ZC3H14: variants seen among roughly 807,000 people sequenced by gnomAD.
ZC3H14 encodes the protein zinc finger CCCH domain-containing protein 14.
ZC3H14 carries 31 observed loss-of-function variants against 92.4 expected under a neutral mutation model. That is an observed-to-expected ratio of 0.34 (90% CI 0.25 to 0.45). ZC3H14 has a LOEUF of 0.45. Among genes scored for constraint, ZC3H14 ranks in the 20% least tolerant of loss-of-function variants. The pLI is 1.00. For synonymous variants in ZC3H14, 321 were observed against 300.9 expected, an observed-to-expected ratio of 1.07 and a Z score of -0.69; for missense variants, 781 against 897.3, an observed-to-expected ratio of 0.87 and a Z score of 1.66.
rs2086565005 is a variant in ZC3H14, at chr14:88,610,852, C to A, written c.2116C>A (p.Gln706Lys). ...TATTCAGCATTGTAGGTTTAACACTCAATGTACAAGACCGGACTGCACATT... is the reference window on the plus strand; with the variant it reads ...TATTCAGCATTGTAGGTTTAACACTAAATGTACAAGACCGGACTGCACATT... ...YHPKHCRFNT[Q>K]CTRPDCTFYH... Residue 706 changes from glutamine to lysine, a missense_variant, in exon 16 of 17, where the codon CAA (glutamine) becomes AAA (lysine). Gln to Lys is a moderately conservative substitution (Grantham distance 53). This residue lies in a region of ZC3H14 where 221 missense variants were observed against 304.7 expected (regional missense o/e 0.73). Coordinates refer to ENST00000251038, the MANE Select transcript of ZC3H14 (RefSeq NM_024824.5). The A allele has an allele frequency of 1.9e-6, 3 of 1,614,074 alleles. No homozygotes were observed. In the African/African-American group the frequency reaches 4.0e-5, roughly 22 times the overall value.
intron 7 of ZC3H14, among the ~76,000 whole-genome samples, chr14:88,575,315 A>G (rs934447046): frequency 2.6e-5 from 4 of 152,180 alleles, no homozygotes; most frequent in African/African-American, 7.2e-5. Flanking sequence ...ATTGCTTAAC[A>G]TTGGAGAGGA....
chr14:88,609,954 C>CA (rs2086280524), intron 15 of ZC3H14, 151 bp downstream of exon 15: 1 of 845,814 alleles, frequency 1.2e-6, no homozygotes. Context: ...ACTGAACCTC[C>CA]ATCTGGCCCC....
Position 88,573,008 on chromosome 14 carries a change from G to A in ZC3H14, c.861+1G>A, listed in dbSNP as rs752416561. On this transcript the variant is annotated splice_donor_variant, in intron 6 of 16. Transcript: ENST00000251038. LOFTEE classifies it high-confidence loss of function. ...CAACTCGGAGAAAATGAGTATGGAG[G>A]TTTGTATGTACTTTTAAATTCTGGC... 1 of 1,613,814 alleles carries A rather than the reference G, an allele frequency of 6.2e-7. No homozygotes were observed. Among genetic ancestry groups the A allele is most frequent in the South Asian group, 1.1e-5 (1 of 91,048 alleles).
chr14:88,568,005 A>G, intron 2 of ZC3H14, 34 bp from the exon 3 acceptor site: 1 of 1,582,632 alleles, frequency 6.3e-7, no homozygotes, highest in Non-Finnish European at 8.7e-7. Context: ...GTTTTGAGGA[A>G]ACAAAGTTTT....
At position 88,609,260 on chromosome 14, in the gene ZC3H14, T is replaced by C; in HGVS notation, c.1869-7T>C. 1 of 1,613,958 alleles carries C rather than the reference T, an allele frequency of 6.2e-7. No individual in the cohort carries two copies. Among genetic ancestry groups the C allele is most frequent in the Non-Finnish European group, 8.5e-7 (1 of 1,179,952 alleles). On this transcript the variant is annotated splice_polypyrimidine_tract_variant and splice_region_variant and intron_variant, in intron 13 of 16. Transcript: ENST00000251038. ...AATATGAAATATGCTTTTTTTTTGT[T>C]TTGTAGAGCCTTCCCCAATTGTAAA...
rs1172249703 is a variant in ZC3H14, at chr14:88,617,432, C to T, written c.*5681C>T. 1.3e-5 allele frequency: 2 copies of T among 152,352 alleles called. No homozygotes were observed. The highest frequency in any genetic ancestry group is 3.2e-3 in the Middle Eastern group (1 of 316). The allele number at this position is 152,352 out of a possible 1,614,324, so 9.4% of individuals were successfully genotyped here. On this transcript the variant is annotated 3_prime_UTR_variant, in exon 17 of 17. Coordinates refer to ENST00000251038, the MANE Select transcript of ZC3H14 (RefSeq NM_024824.5). Reference sequence around the variant, plus strand: ...AAAGTGCTGGGATTACAGGCTGAGCCACCGCGCCTGACTGAAAACTGATAG... The same window carrying T: ...AAAGTGCTGGGATTACAGGCTGAGCTACCGCGCCTGACTGAAAACTGATAG...
chr14:88,615,131 G>A lies in ZC3H14; in HGVS notation c.*3380G>A, dbSNP rs2087388980. On this transcript the variant is annotated 3_prime_UTR_variant, in exon 17 of 17. Transcript: ENST00000251038. ...ATGTGCGATTACAGAGATGGCATCTGAACATAAACTGATGGCTCGAAAATG... is the reference window on the plus strand; with the variant it reads ...ATGTGCGATTACAGAGATGGCATCTAAACATAAACTGATGGCTCGAAAATG... 2.6e-5 allele frequency: 4 copies of A among 152,158 alleles called. No individual in the cohort carries two copies. Among genetic ancestry groups the A allele is most frequent in the South Asian group, 4.2e-4 (2 of 4,816 alleles). 9.4% of individuals were successfully genotyped at this position (152,158 alleles called of 1,614,324 possible). A position where few individuals can be genotyped will look rare whatever the true frequency, so the allele number is the denominator to read the frequency against.
chr14:88,597,577 C>G (rs774076730), intron 10 of ZC3H14, among the ~76,000 whole-genome samples: 1 of 152,198 alleles, frequency 6.6e-6, no homozygotes, highest in African/African-American at 2.4e-5. Context: ...GTGTGCTTTT[C>G]CTCCCTAAGG....
At chr14:88,582,397 G>A (rs551630336) in intron 9 of ZC3H14, among the ~76,000 whole-genome samples, 1 of 150,498 alleles carries the variant, frequency 6.6e-6, no homozygotes, top group South Asian at 2.1e-4. Flanking sequence ...TTGGGACACT[G>A]TGGGTTGAAT....
At chr14:88,601,851 T>C (rs570984296) in intron 10 of ZC3H14, 73 bp from the exon 11 acceptor site, 2 of 1,534,834 alleles carry the variant, frequency 1.3e-6, no homozygotes, top group South Asian at 1.1e-5. Context: ...TTGACATTCT[T>C]CTCACATATA....
At position 88,619,681 on chromosome 14, in the gene ZC3H14, AAG is replaced by A. The variant is rs1190528328; in HGVS notation, c.*7932_*7933del. On this transcript the variant is annotated 3_prime_UTR_variant, in exon 17 of 17. Coordinates refer to ENST00000251038, the MANE Select transcript of ZC3H14 (RefSeq NM_024824.5). ...AATGACACAACTTGAATCTTGGAAG[AAG>A]AATTTTTTTTTTTTGAGACGAAGTC... The A allele has an allele frequency of 6.9e-6, 1 of 143,906 alleles. No homozygotes were observed. 8.9% of individuals were successfully genotyped at this position (143,906 alleles called of 1,614,324 possible). A position where few individuals can be genotyped will look rare whatever the true frequency, so the allele number is the denominator to read the frequency against.
At position 88,626,734 on chromosome 14, in the gene ZC3H14, A is replaced by G; in HGVS notation, c.*14983A>G. ...TGCTTGACCAGGGCATGTAATGATTAGCAGATCACAGTATCATCTCAACAA... is the reference window on the plus strand; with the variant it reads ...TGCTTGACCAGGGCATGTAATGATTGGCAGATCACAGTATCATCTCAACAA... On this transcript the variant is annotated 3_prime_UTR_variant, in exon 17 of 17. Coordinates refer to ENST00000251038, the MANE Select transcript of ZC3H14 (RefSeq NM_024824.5). The G allele has an allele frequency of 9.0e-7, 1 of 1,113,666 alleles. No individual in the cohort carries two copies. Among genetic ancestry groups the G allele is most frequent in the Non-Finnish European group, 1.3e-6 (1 of 770,758 alleles). 69.0% of individuals were successfully genotyped at this position (1,113,666 alleles called of 1,614,324 possible).
Position 88,572,587 on chromosome 14 carries a change from C to T in ZC3H14, c.441C>T (p.Tyr147=), listed in dbSNP as rs185224589. ...ESKTTNVRQT[Y]DDGAATRLMS... ...TTGTTCTTTTAAATAGACAGACTTA[C>T]GATGATGGAGCTGCAACCCGACTAA... Residue 147 remains tyrosine, a synonymous_variant, in exon 6 of 17, where the codon TAC becomes TAT. Transcript: ENST00000251038. The T allele has an allele frequency of 4.2e-5, 67 of 1,614,100 alleles. No homozygotes were observed. Among genetic ancestry groups the T allele is most frequent in the Admixed American group, 2.8e-4 (17 of 60,004 alleles).
Position 88,611,865 on chromosome 14 carries a change from A to G in ZC3H14, c.*114A>G. On this transcript the variant is annotated 3_prime_UTR_variant, in exon 17 of 17. Coordinates refer to ENST00000251038, the MANE Select transcript of ZC3H14 (RefSeq NM_024824.5). ...AAACTTGGAATATATTGCTTTCATA[A>G]TATGAAGTTTTATTGCCTATCTATC... The G allele has an allele frequency of 1.4e-6, 2 of 1,454,516 alleles. No homozygotes were observed. Among genetic ancestry groups the G allele is most frequent in the South Asian group, 2.4e-5 (2 of 82,684 alleles). The allele number at this position is 1,454,516 out of a possible 1,614,324, so 90.1% of individuals were successfully genotyped here.
chr14:88,626,502 T>TAGTC lies in ZC3H14; in HGVS notation c.*14752_*14755dup. 4.1e-6 allele frequency: 1 copy of TAGTC among 245,460 alleles called. No homozygotes were observed. The highest frequency in any genetic ancestry group is 9.1e-5 in the East Asian group (1 of 11,002). 15.2% of individuals were successfully genotyped at this position (245,460 alleles called of 1,614,324 possible). Reference sequence around the variant, plus strand: ...GCCTAGCATGGTGGTTCCTGCCCTGTAGTCCCAGCTACTAAGGAGGCTGAG... The same window carrying TAGTC: ...GCCTAGCATGGTGGTTCCTGCCCTGTAGTCAGTCCCAGCTACTAAGGAGGCTGAG... On this transcript the variant is annotated 3_prime_UTR_variant, in exon 17 of 17. Coordinates refer to ENST00000251038, the MANE Select transcript of ZC3H14 (RefSeq NM_024824.5).
chr14:88,583,966 T>A (rs1293123277), intron 9 of ZC3H14, among the ~76,000 whole-genome samples: 1 of 152,204 alleles, frequency 6.6e-6, no homozygotes, highest in Non-Finnish European at 1.5e-5. Flanking sequence ...AGTTTTTGCT[T>A]TATTTTTAGG....
At chr14:88,574,667 T>C (rs1323190529) in intron 6 of ZC3H14, 26 bp from the exon 7 acceptor site, 1 of 1,613,824 alleles carries the variant, frequency 6.2e-7, no homozygotes, top group Non-Finnish European at 8.5e-7. Flanking sequence ...TGAGATTAGG[T>C]AAGCATAAAT....
rs2090012193 is a variant in ZC3H14 at position 88,626,921 on chromosome 14, T to C, written c.*15170T>C. On this transcript the variant is annotated 3_prime_UTR_variant, in exon 17 of 17. Coordinates refer to ENST00000251038, the MANE Select transcript of ZC3H14 (RefSeq NM_024824.5). ...AGCCCTTTTTTGCTAAGAAGAGCTCTTCCTGCCAGGGTCCAGAACTTCACA... is the reference window on the plus strand; with the variant it reads ...AGCCCTTTTTTGCTAAGAAGAGCTCCTCCTGCCAGGGTCCAGAACTTCACA... The C allele has an allele frequency of 6.2e-7, 1 of 1,613,912 alleles. No individual in the cohort carries two copies. The highest frequency in any genetic ancestry group is 1.3e-5 in the African/African-American group (1 of 74,942).
At position 88,621,384 on chromosome 14, in the gene ZC3H14, C is replaced by T. The variant is rs770317233; in HGVS notation, c.*9633C>T. On this transcript the variant is annotated 3_prime_UTR_variant, in exon 17 of 17. Transcript: ENST00000251038. Reference sequence around the variant, plus strand: ...CATAATATAAAAATGACCCTATTGACCTGCTTTCAGAGAACTTTTTGCTTT... The same window carrying T: ...CATAATATAAAAATGACCCTATTGATCTGCTTTCAGAGAACTTTTTGCTTT... 3 of 1,546,752 alleles carry T rather than the reference C, an allele frequency of 1.9e-6. No individual in the cohort carries two copies. The highest frequency in any genetic ancestry group is 2.7e-6 in the Non-Finnish European group (3 of 1,129,800).
Sources: gnomAD v4.1 joint callset for allele counts (sites outside exome capture counted in the v4.1 genomes callset) on GRCh38, gnomAD v4.1.1 for gene constraint, gnomAD v4.1.1 regional missense constraint, MANE v1.5 for transcripts, NCBI Gene and HGNC (gene_info 2026-07-23, HGNC 2026-07-21) for gene names.